Variants in NSD3 observed in about 807,000 individuals in gnomAD.
The protein encoded by NSD3 is histone-lysine N-methyltransferase NSD3.
NSD3 carries 24 observed loss-of-function variants against 160.8 expected under a neutral mutation model. That is an observed-to-expected ratio of 0.15 (90% confidence interval 0.11 to 0.21). The LOEUF is 0.21. NSD3 is among the 10% of genes least tolerant of loss of function. The probability of loss-of-function intolerance (pLI) is 1.00; values close to 1 mark genes in which losing one functional copy is unlikely to be tolerated. For synonymous variants in NSD3, 520 were observed against 600.0 expected, an observed-to-expected ratio of 0.87 and a Z score of 1.95; for missense variants, 1,157 against 1,735.9, an observed-to-expected ratio of 0.67 and a Z score of 5.93.
At chr8:38,327,146 T>C (rs564385431) in intron 6 of NSD3, among the ~76,000 whole-genome samples, 1 of 151,678 alleles carries the variant, frequency 6.6e-6, no homozygotes, top group Non-Finnish European at 1.5e-5. Context: ...CCACCTGGGT[T>C]CAAGTGATTC....
intron 2 of NSD3, among the ~76,000 whole-genome samples, chr8:38,339,017 G>A (rs1810292278): frequency 6.6e-6 from 1 of 151,932 alleles, no homozygotes; most frequent in South Asian, 2.1e-4. Context: ...GCGCATGCCT[G>A]TAGTCCCAGC....
intron 1 of NSD3, among the ~76,000 whole-genome samples, chr8:38,362,857 T>G (rs957493938): frequency 6.6e-6 from 1 of 152,194 alleles, no homozygotes; most frequent in African/African-American, 2.4e-5. Context: ...ACATAACACA[T>G]GATGAGAATC....
chr8:38,363,401 T>A (rs1336077653), intron 1 of NSD3, among the ~76,000 whole-genome samples: 1 of 151,928 alleles, frequency 6.6e-6, no homozygotes, highest in East Asian at 1.9e-4. Flanking sequence ...CCCAGCACTT[T>A]GGGAGGCAGA....
At chr8:38,304,474 G>T in intron 14 of NSD3, 113 bp downstream of exon 14, 1 of 1,032,838 alleles carries the variant, frequency 9.7e-7, no homozygotes, top group Non-Finnish European at 1.4e-6. Context: ...TCTGCACTGG[G>T]TAGGAGATTC....
intron 1 of NSD3, among the ~76,000 whole-genome samples, chr8:38,365,621 C>T (rs1811087676): frequency 6.6e-6 from 1 of 152,078 alleles, no homozygotes; most frequent in Admixed American, 6.6e-5. Flanking sequence ...TACAGGTGCC[C>T]GCCATCATGC....
chr8:38,286,904 A>G (rs1264659825), intron 19 of NSD3, among the ~76,000 whole-genome samples: 1 of 152,194 alleles, frequency 6.6e-6, no homozygotes, highest in Non-Finnish European at 1.5e-5. Flanking sequence ...CCCTGAGCCA[A>G]TCACTTGAAA....
chr8:38,302,372 A>T (rs923268063), intron 14 of NSD3, among the ~76,000 whole-genome samples: 4 of 152,254 alleles, frequency 2.6e-5, no homozygotes, highest in Non-Finnish European at 5.9e-5. Context: ...AAGCCTTCCC[A>T]GCATCTGATC....
chr8:38,306,780 C>T (rs1011766625), intron 12 of NSD3, among the ~76,000 whole-genome samples: 1 of 152,092 alleles, frequency 6.6e-6, no homozygotes, highest in Non-Finnish European at 1.5e-5. Context: ...TGTTCATCTT[C>T]ACTAGTAATC....
rs1808402010 is a variant in NSD3, at chr8:38,270,241, G to A, written c.*5400C>T. The A allele has an allele frequency of 6.6e-6, 1 of 152,120 alleles. No individual in the cohort carries two copies. The highest frequency in any genetic ancestry group is 2.4e-5 in the African/African-American group (1 of 41,402). 9.4% of individuals were successfully genotyped at this position (152,120 alleles called of 1,614,324 possible). A position where few individuals can be genotyped will look rare whatever the true frequency, so the allele number is the denominator to read the frequency against. On this transcript the variant is annotated 3_prime_UTR_variant, in exon 24 of 24. Coordinates refer to ENST00000317025, the MANE Select transcript of NSD3 (RefSeq NM_023034.2). ...AAGACTCAAGTCTCAAGTGATTTAG[G>A]CAAAGTAATGGTTCACAGGATCTAC...
intron 22 of NSD3, among the ~76,000 whole-genome samples, chr8:38,277,670 A>C (rs1808632488): frequency 6.6e-6 from 1 of 152,236 alleles, no homozygotes; most frequent in East Asian, 1.9e-4. Context: ...TAATTCACAT[A>C]CCACATAATT....
intron 12 of NSD3, among the ~76,000 whole-genome samples, chr8:38,305,890 C>T (rs916638462): frequency 7.9e-5 from 12 of 151,952 alleles, no homozygotes; most frequent in Non-Finnish European, 1.5e-4. Context: ...ATATCTTATT[C>T]GAACTATAGA....
At position 38,275,435 on chromosome 8, in the gene NSD3, C is replaced by T. The variant is rs879116952; in HGVS notation, c.*206G>A. ...AAGAAAAGACCAAGGGAATTTAACC[C>T]TCCACAAAAGAATCCCAAACCAACC... On this transcript the variant is annotated 3_prime_UTR_variant, in exon 24 of 24. Transcript: ENST00000317025. 4.4e-5 allele frequency: 24 copies of T among 544,298 alleles called. No homozygotes were observed. Among genetic ancestry groups the T allele is most frequent in the Non-Finnish European group, 5.5e-5 (17 of 308,948 alleles). The allele number at this position is 544,298 out of a possible 1,614,324, so 33.7% of individuals were successfully genotyped here. A position where few individuals can be genotyped will look rare whatever the true frequency, so the allele number is the denominator to read the frequency against.
In NSD3 at chr8:38,288,556, G is replaced by A. The variant is rs748788100; in HGVS notation, c.3432C>T (p.Tyr1144=). The A allele has an allele frequency of 2.5e-6, 4 of 1,614,016 alleles. No individual in the cohort carries two copies. Among genetic ancestry groups the A allele is most frequent in the East Asian group, 2.2e-5 (1 of 44,886 alleles). The stretch of plus-strand genomic sequence containing the variant: ...CCGTTTTGATGATCTCTGCATCAGG[G>A]TATAGTCTCTTTGTAAAGCACTGGT... ...CQNQCFTKRL[Y]PDAEIIKTER... is the part of the protein sequence containing the mutation. The change falls in exon 19 of 24, where the codon TAC becomes TAT. Residue 1144 remains tyrosine (Y), a synonymous_variant. Transcript: ENST00000317025. The surrounding 1 kb of genome is among the most constrained non-coding windows in gnomAD (Gnocchi z 4.5).
In NSD3 at chr8:38,319,753, C is replaced by G. The variant is rs538102591; in HGVS notation, c.1810-813G>C. On this transcript the variant is annotated intron_variant, in intron 8 of 23. Transcript: ENST00000317025. The surrounding 1 kb of genome is among the most constrained non-coding windows in gnomAD (Gnocchi z 4.1). Reference sequence around the variant, plus strand: ...ATTTTGTAAATATTTAAGGATTGTTCTAAGCTTTTTAAAAAAAATTTTATT... The same window carrying G: ...ATTTTGTAAATATTTAAGGATTGTTGTAAGCTTTTTAAAAAAAATTTTATT... The G allele has an allele frequency of 6.6e-6, 1 of 152,052 alleles. No individual in the cohort carries two copies. The highest frequency in any genetic ancestry group is 2.4e-5 in the African/African-American group (1 of 41,492). The allele number at this position is 152,052 out of a possible 1,614,324, so 9.4% of individuals were successfully genotyped here. A position where few individuals can be genotyped will look rare whatever the true frequency, so the allele number is the denominator to read the frequency against.
chr8:38,288,269 T>G lies in NSD3; in HGVS notation c.3501+218A>C, dbSNP rs1188675865. 6.6e-6 allele frequency among the ~76,000 whole-genome samples: 1 copy of G among 152,218 alleles called. No individual in the cohort carries two copies. The highest frequency in any genetic ancestry group is 2.1e-4 in the South Asian group (1 of 4,826). On this transcript the variant is annotated intron_variant, in intron 19 of 23. Coordinates refer to ENST00000317025, the MANE Select transcript of NSD3 (RefSeq NM_023034.2). The surrounding 1 kb of genome is among the most constrained non-coding windows in gnomAD (Gnocchi z 4.5). ...ACCAGTGTCCCCTCTCTCCTTTTTA[T>G]GACTAGCCACTGGACACTCAAAGTT...
At chr8:38,357,769 A>C (rs1810861146) in intron 1 of NSD3, among the ~76,000 whole-genome samples, 1 of 152,200 alleles carries the variant, frequency 6.6e-6, no homozygotes, top group Admixed American at 6.5e-5. Context: ...GCTTCAATGA[A>C]TCTTTTAAAC....
chr8:38,347,163 A>G (rs1810557418), intron 2 of NSD3, among the ~76,000 whole-genome samples: 1 of 152,192 alleles, frequency 6.6e-6, no homozygotes, highest in Admixed American at 6.5e-5. Flanking sequence ...TGAAAACCCA[A>G]TATAATTAGC....
chr8:38,373,467 T>C (rs1811308228), intron 1 of NSD3, among the ~76,000 whole-genome samples: 1 of 152,190 alleles, frequency 6.6e-6, no homozygotes, highest in African/African-American at 2.4e-5. Context: ...TCACATTTCA[T>C]AACGTAAAAG....
intron 1 of NSD3, among the ~76,000 whole-genome samples, chr8:38,362,616 AT>A (rs1406313270): frequency 4.6e-5 from 7 of 152,168 alleles, no homozygotes; most frequent in African/African-American, 7.2e-5. Flanking sequence ...CTTGTCAAGA[AT>A]TTTTTTCCAA....
Sources: gnomAD v4.1 joint callset for allele counts (sites outside exome capture counted in the v4.1 genomes callset) on GRCh38, gnomAD v4.1.1 for gene constraint, Gnocchi (gnomAD v3.1) non-coding constraint, MANE v1.5 for transcripts, NCBI Gene and HGNC (gene_info 2026-07-23, HGNC 2026-07-21) for gene names.